The following ARHGEF15 variants were observed in gnomAD, a reference collection of about 807,000 sequenced individuals.
The protein encoded by ARHGEF15 is Rho guanine nucleotide exchange factor (GEF) 15.
A neutral mutation model predicts 79.7 loss-of-function variants in ARHGEF15; 58 were observed. The observed-to-expected ratio is 0.73, with a 90% CI of 0.59 to 0.91. The LOEUF is 0.91. Among genes scored for constraint, ARHGEF15 ranks in the 40% least tolerant of loss-of-function variants. The probability of loss-of-function intolerance (pLI) is 0.00; values close to 1 mark genes in which losing one functional copy is unlikely to be tolerated. For synonymous variants in ARHGEF15, 442 were observed against 456.0 expected (o/e 0.97, Z 0.39); for missense variants, 1,012 against 1,108.1 (o/e 0.91, Z 1.23).
rs537744294 is a variant in ARHGEF15, at chr17:8,313,031, C to G, written c.711C>G (p.Val237=). 3 of 1,612,994 alleles carry G rather than the reference C, an allele frequency of 1.9e-6. No individual in the cohort carries two copies. Among genetic ancestry groups the G allele is most frequent in the Non-Finnish European group, 2.5e-6 (3 of 1,179,740 alleles). The part of the protein sequence containing the change: ...PVGGYEEVPR[V]PRRASPLRTS... The stretch of plus-strand genomic sequence containing the variant: ...GGGGCTATGAGGAGGTCCCCAGGGT[C>G]CCCCGTCGGGCCTCCCCGCTGCGGA... The change falls in exon 3 of 16, where the codon GTC becomes GTG. Residue 237 remains valine, a synonymous_variant. Transcript: ENST00000361926.
In ARHGEF15 at chr17:8,319,580, A is replaced by G. The variant is rs1401828336; in HGVS notation, c.2351A>G (p.Lys784Arg). 1.9e-6 allele frequency: 3 copies of G among 1,602,704 alleles called. No individual in the cohort carries two copies. The highest frequency in any genetic ancestry group is 1.4e-5 in the African/African-American group (1 of 73,988). ...AGTCTGGAGTCCAGGGCTGCCCCCA[A>G]ACACCTGCACAAGACCCCTGAAGGT... ...GRSLESRAAP[K>R]HLHKTPEGWL... The change falls in exon 15 of 16, where the codon AAA becomes AGA. Residue 784 changes from lysine to arginine, a missense_variant. By Grantham distance (26) the Lys-to-Arg change is conservative. This residue lies in a region of ARHGEF15 where 132 missense variants were observed against 124.2 expected (regional missense o/e 1.06). Coordinates refer to ENST00000361926, the MANE Select transcript of ARHGEF15 (RefSeq NM_173728.4).
intron 9 of ARHGEF15, 143 bp downstream of exon 9, chr17:8,316,291 C>T: frequency 7.5e-7 from 1 of 1,337,700 alleles, no homozygotes; most frequent in Non-Finnish European, 1.0e-6. Flanking sequence ...GAATCTGGGT[C>T]TCTCAGCCTA....
rs1483973977 is a variant in ARHGEF15 at position 8,319,402 on chromosome 17, T to A, written c.2269+8T>A. On this transcript the variant is annotated splice_region_variant and intron_variant, in intron 14 of 15. Transcript: ENST00000361926. ...CCATCTATGAGGACTGTGGTGAGTA[T>A]CCCCCTAGAGGGGATGAGGGAAGAA... is the stretch of plus-strand genomic sequence containing the variant. 1.9e-6 allele frequency: 3 copies of A among 1,611,768 alleles called. No homozygotes were observed. The highest frequency in any genetic ancestry group is 2.2e-5 in the East Asian group (1 of 44,866).
chr17:8,312,230 AGCCC>A lies in ARHGEF15; in HGVS notation c.192_195del (p.Glu64AspfsTer117), dbSNP rs772555886. 7.6e-7 allele frequency: 1 copy of A among 1,312,006 alleles called. No individual in the cohort carries two copies. Among genetic ancestry groups the A allele is most frequent in the Non-Finnish European group, 1.0e-6 (1 of 954,240 alleles). The allele number at this position is 1,312,006 out of a possible 1,614,324, so 81.3% of individuals were successfully genotyped here. A position where few individuals can be genotyped will look rare whatever the true frequency, so the allele number is the denominator to read the frequency against. On this transcript the variant is annotated frameshift_variant, in exon 2 of 16. Transcript: ENST00000361926. LOFTEE classifies it high-confidence loss of function. Reference sequence around the variant, plus strand: ...CCAATGTGCACCCCCATCTTCTGGGAGCCCCCAGCTGCATCCCTCAAGCCCCCTG... The same window carrying A: ...CCAATGTGCACCCCCATCTTCTGGGACCAGCTGCATCCCTCAAGCCCCCTG...
At chr17:8,320,311 G>A (rs1028961836) in intron 15 of ARHGEF15, among the ~76,000 whole-genome samples, 5 of 152,022 alleles carry the variant, frequency 3.3e-5, no homozygotes, top group Non-Finnish European at 5.9e-5. Flanking sequence ...AAGAAGGTCA[G>A]GAGTTCCAGG....
At position 8,316,141 on chromosome 17, in the gene ARHGEF15, T is replaced by A. The variant is rs2151640705; in HGVS notation, c.1697T>A (p.Leu566Gln). The A allele has an allele frequency of 6.2e-7, 1 of 1,602,632 alleles. No individual in the cohort carries two copies. Among genetic ancestry groups the A allele is most frequent in the Non-Finnish European group, 8.5e-7 (1 of 1,179,272 alleles). The change falls in exon 9 of 16, where the codon CTG becomes CAG. Residue 566 changes from leucine (L) to glutamine (Q), a missense_variant. Physicochemically the swap from Leu to Gln is moderately radical, Grantham distance 113. Around this residue, in one of 3 missense-constraint regions of ARHGEF15, gnomAD observed 818 missense variants for 882.5 expected, o/e 0.93. Coordinates refer to ENST00000361926, the MANE Select transcript of ARHGEF15 (RefSeq NM_173728.4). Reference protein sequence around the residue: ...PFQRITRLRMLLQNILRQTEE... With the variant: ...PFQRITRLRMQLQNILRQTEE... Reference sequence around the variant, plus strand: ...CAGCGCATCACCCGGCTGCGCATGCTGCTGCAGGTACCTGTCCCAGCTGCG... The same window carrying A: ...CAGCGCATCACCCGGCTGCGCATGCAGCTGCAGGTACCTGTCCCAGCTGCG...
At position 8,316,127 on chromosome 17, in the gene ARHGEF15, C is replaced by G. The variant is rs1360178178; in HGVS notation, c.1683C>G (p.Thr561=). 3 of 1,603,012 alleles carry G rather than the reference C, an allele frequency of 1.9e-6. No individual in the cohort carries two copies. Among genetic ancestry groups the G allele is most frequent in the Admixed American group, 1.7e-5 (1 of 59,712 alleles). Residue 561 remains threonine, a synonymous_variant, in exon 9 of 16, where the codon ACC becomes ACG. Coordinates refer to ENST00000361926, the MANE Select transcript of ARHGEF15 (RefSeq NM_173728.4). ...TGCTACTGCCCTTCCAGCGCATCAC[C>G]CGGCTGCGCATGCTGCTGCAGGTAC... ...SFLLLPFQRI[T]RLRMLLQNIL...
rs779255205 is a variant in ARHGEF15 at position 8,315,999 on chromosome 17, A to T, written c.1575-20A>T. 6 of 1,600,190 alleles carry T rather than the reference A, an allele frequency of 3.7e-6. No homozygotes were observed. In the East Asian group the frequency reaches 1.1e-4, roughly 30 times the overall value. On this transcript the variant is annotated intron_variant, in intron 8 of 15. Transcript: ENST00000361926. The surrounding 1 kb of genome is among the most constrained non-coding windows in gnomAD (Gnocchi z 4.3). ...GCACCAGGGCCTCCAGGCAGCCGCT[A>T]GCCATGCCTGCTTCTGCAGGGACAC...
intron 1 of ARHGEF15, among the ~76,000 whole-genome samples, chr17:8,311,381 C>T (rs532812952): frequency 1.5e-3 from 228 of 152,160 alleles, no homozygotes; most frequent in South Asian, 0.011. Context: ...GATGATCAGA[C>T]GCAGGACAGG....
Position 8,312,913 on chromosome 17 carries a change from C to G in ARHGEF15, c.602-9C>G. ...AGGGCTTTCTCCTTAGGCTACCTGT[C>G]TCCCACAGATGCTGGCCTGGCCTGC... On this transcript the variant is annotated splice_polypyrimidine_tract_variant and intron_variant, in intron 2 of 15. Transcript: ENST00000361926. The G allele has an allele frequency of 1.3e-6, 2 of 1,568,546 alleles. No individual in the cohort carries two copies. The highest frequency in any genetic ancestry group is 2.4e-5 in the South Asian group (2 of 82,964).
At chr17:8,311,127 T>C (rs1314695118) in intron 1 of ARHGEF15, among the ~76,000 whole-genome samples, 5 of 151,666 alleles carry the variant, frequency 3.3e-5, no homozygotes. Flanking sequence ...CCTGGAGGGG[T>C]CTGACTCTCC....
In ARHGEF15 at chr17:8,319,481, T is replaced by A; in HGVS notation, c.2270-18T>A. ...GAAGCTAAACAGAATCACTTTAATG[T>A]CACCCACCCCCAACCAGACTGTTCC... On this transcript the variant is annotated intron_variant, in intron 14 of 15. Coordinates refer to ENST00000361926, the MANE Select transcript of ARHGEF15 (RefSeq NM_173728.4). The A allele has an allele frequency of 1.9e-6, 3 of 1,589,936 alleles. No homozygotes were observed. Among genetic ancestry groups the A allele is most frequent in the Non-Finnish European group, 2.6e-6 (3 of 1,168,766 alleles).
intron 2 of ARHGEF15, 82 bp downstream of exon 2, chr17:8,312,722 T>TA (rs1206840879): frequency 2.5e-6 from 4 of 1,604,280 alleles, no homozygotes; most frequent in Non-Finnish European, 3.4e-6. Flanking sequence ...TTTCAGGGGC[T>TA]ACCTTTTCAA....
chr17:8,315,025 G>C lies in ARHGEF15; in HGVS notation c.1049-41G>C. On this transcript the variant is annotated intron_variant, in intron 5 of 15. Coordinates refer to ENST00000361926, the MANE Select transcript of ARHGEF15 (RefSeq NM_173728.4). This position sits in a 1 kb window ranked among gnomAD's most constrained non-coding sequence, Gnocchi z 4.3. Reference sequence around the variant, plus strand: ...CCATCAAGCAGTGGGGAAGGGTTTGGGAGCCCTGGGCTTCCCTGAAGTGCT... The same window carrying C: ...CCATCAAGCAGTGGGGAAGGGTTTGCGAGCCCTGGGCTTCCCTGAAGTGCT... 2 of 1,613,716 alleles carry C rather than the reference G, an allele frequency of 1.2e-6. No individual in the cohort carries two copies. Among genetic ancestry groups the C allele is most frequent in the Non-Finnish European group, 1.7e-6 (2 of 1,179,774 alleles).
chr17:8,321,292 G>A lies in ARHGEF15; in HGVS notation c.*299G>A, dbSNP rs1036353772. The A allele has an allele frequency of 1.8e-5, 5 of 284,606 alleles. No individual in the cohort carries two copies. The highest frequency in any genetic ancestry group is 3.3e-5 in the Non-Finnish European group (5 of 151,978). 17.6% of individuals were successfully genotyped at this position (284,606 alleles called of 1,614,324 possible). ...AATGAGTATTCCTGCTATGCTCAGG[G>A]CCAAGGAAGACAAATCTAGGTCATG... On this transcript the variant is annotated 3_prime_UTR_variant, in exon 16 of 16. Coordinates refer to ENST00000361926, the MANE Select transcript of ARHGEF15 (RefSeq NM_173728.4).
intron 4 of ARHGEF15, among the ~76,000 whole-genome samples, chr17:8,314,250 T>C (rs1199065702): frequency 6.6e-6 from 1 of 152,224 alleles, no homozygotes; most frequent in Non-Finnish European, 1.5e-5. Flanking sequence ...CCATCTCTTC[T>C]ATGCTATCCA....
At chr17:8,311,726 C>T (rs1904631947) in intron 1 of ARHGEF15, among the ~76,000 whole-genome samples, 1 of 151,810 alleles carries the variant, frequency 6.6e-6, no homozygotes, top group Admixed American at 6.6e-5. Flanking sequence ...TGCACACCCA[C>T]CCGGCAAGCA....
intron 9 of ARHGEF15, 29 bp downstream of exon 9, chr17:8,316,177 C>T: frequency 1.3e-6 from 2 of 1,592,864 alleles, no homozygotes; most frequent in Non-Finnish European, 8.5e-7. Flanking sequence ...GCCGTTTCTG[C>T]CCCACCAACC....
rs754339319 is a variant in ARHGEF15, at chr17:8,315,232, C to T, written c.1215C>T (p.Ser405=). Residue 405 remains serine, a synonymous_variant, in exon 6 of 16, where the codon AGC becomes AGT. Transcript: ENST00000361926. This position sits in a 1 kb window ranked among gnomAD's most constrained non-coding sequence, Gnocchi z 4.3. ...AGGAGCTTCCGGCTGTGCAAGCCAGCGGTCTTCTGGATACCCTCAGCCCCC... is the reference window on the plus strand; with the variant it reads ...AGGAGCTTCCGGCTGTGCAAGCCAGTGGTCTTCTGGATACCCTCAGCCCCC... The part of the protein sequence containing the change: ...LWQELPAVQA[S]GLLDTLSPQE... 1.2e-6 allele frequency: 2 copies of T among 1,613,434 alleles called. No homozygotes were observed. The highest frequency in any genetic ancestry group is 1.7e-6 in the Non-Finnish European group (2 of 1,179,866).
Sources: gnomAD v4.1 joint callset for allele counts (sites outside exome capture counted in the v4.1 genomes callset) on GRCh38, gnomAD v4.1.1 for gene constraint, gnomAD v4.1.1 regional missense constraint, Gnocchi (gnomAD v3.1) non-coding constraint, MANE v1.5 for transcripts, NCBI Gene and HGNC (gene_info 2026-07-23, HGNC 2026-07-21) for gene names.